Variants in NEK5 observed in about 807,000 individuals in gnomAD.
NEK5 encodes the protein serine/threonine-protein kinase Nek5.
In NEK5, 88 loss-of-function variants were observed where a neutral mutation model predicts 109.2. That is an observed-to-expected ratio of 0.81 (90% CI 0.68 to 0.96). NEK5 has a LOEUF of 0.96. Among genes scored for constraint, NEK5 ranks in the 40% least tolerant of loss-of-function variants. The pLI, the probability that NEK5 is intolerant of heterozygous loss-of-function variation, is 0.00. For synonymous variants in NEK5, 283 were observed against 299.9 expected, an observed-to-expected ratio of 0.94 and a Z score of 0.58; for missense variants, 834 against 920.7, an observed-to-expected ratio of 0.91 and a Z score of 1.22.
intron 13 of NEK5, among the ~76,000 whole-genome samples, chr13:52,090,114 G>T (rs1335603564): frequency 6.6e-6 from 1 of 152,146 alleles, no homozygotes; most frequent in African/African-American, 2.4e-5. Context: ...AAGAAATAAT[G>T]GTTTAGCTGT....
chr13:52,078,532 ATAAAG>A (rs577195079), intron 17 of NEK5, among the ~76,000 whole-genome samples: 262 of 152,320 alleles, frequency 1.7e-3, no homozygotes, highest in Non-Finnish European at 2.9e-3. Flanking sequence ...GCCAAATTTT[ATAAAG>A]TATATACATT....
At chr13:52,082,893 A>G (rs1955042831) in intron 17 of NEK5, among the ~76,000 whole-genome samples, 1 of 152,222 alleles carries the variant, frequency 6.6e-6, no homozygotes, top group South Asian at 2.1e-4. Flanking sequence ...TCATGCCTAT[A>G]ATCCCAGCAT....
rs868466448 is a variant in NEK5, at chr13:52,056,563, C to G, written c.2110+5256G>C. ...TACTTGGAAGTAAAGCTCTCCTCAG[C>G]AAATGTAAAAGAACAGAAATTATAA... On this transcript the variant is annotated intron_variant, in intron 22 of 23. Transcript: ENST00000684899. Among the ~76,000 whole-genome samples, 174 of 146,298 alleles carry G rather than the reference C, an allele frequency of 1.2e-3. 1 individual carries two copies. The Middle Eastern group carries it at 0.014, about 12-fold the overall frequency.
intron 22 of NEK5, among the ~76,000 whole-genome samples, chr13:52,054,783 C>T (rs1246991757): frequency 6.6e-6 from 1 of 151,478 alleles, no homozygotes; most frequent in Non-Finnish European, 1.5e-5. Context: ...GACATCCACA[C>T]CAAAAACCCA....
chr13:52,099,131 G>A (rs1381794777), intron 12 of NEK5, among the ~76,000 whole-genome samples: 1 of 152,054 alleles, frequency 6.6e-6, no homozygotes, highest in Non-Finnish European at 1.5e-5. Flanking sequence ...TCCATGATGT[G>A]CTTATTTCAC....
At chr13:52,064,363 G>GC (rs1221607980) in intron 21 of NEK5, among the ~76,000 whole-genome samples, 13 of 126,446 alleles carry the variant, frequency 1.0e-4, no homozygotes, top group African/African-American at 3.6e-4. Flanking sequence ...GGGGGGGTCA[G>GC]CCCCCCCGCC....
At position 52,037,184 on chromosome 13, in the gene NEK5, CA is replaced by C. The variant is rs1363090051; in HGVS notation, c.2262del (p.Asp754GlufsTer3). The C allele has an allele frequency of 2.0e-6, 2 of 984,488 alleles. No homozygotes were observed. Among genetic ancestry groups the C allele is most frequent in the African/African-American group, 3.5e-5 (2 of 57,198 alleles). The allele number at this position is 984,488 out of a possible 1,614,324, so 61.0% of individuals were successfully genotyped here. A position where few individuals can be genotyped will look rare whatever the true frequency, so the allele number is the denominator to read the frequency against. ...NFEESEDELR[D>X]EVVEYLEKLA... is the part of the protein sequence containing the mutation. ...AGTTTTTCTAAGTATTCTACTACTTCATCTCTCAACTCATCTTCAGATTCTT... is the reference window on the plus strand; with the variant it reads ...AGTTTTTCTAAGTATTCTACTACTTCTCTCTCAACTCATCTTCAGATTCTT... On this transcript the variant is annotated frameshift_variant, in exon 24 of 24. Transcript: ENST00000684899. LOFTEE classifies it high-confidence loss of function.
At chr13:52,057,217 C>T (rs1006281857) in intron 22 of NEK5, among the ~76,000 whole-genome samples, 4 of 152,056 alleles carry the variant, frequency 2.6e-5, no homozygotes, top group African/African-American at 7.2e-5. Context: ...ATAAATTCCT[C>T]GACACATACA....
chr13:52,053,983 T>C (rs774859469), intron 22 of NEK5, among the ~76,000 whole-genome samples: 3 of 152,252 alleles, frequency 2.0e-5, no homozygotes, highest in Non-Finnish European at 2.9e-5. Flanking sequence ...GAAAGAGCTA[T>C]AGTTAATTGG....
In NEK5 at chr13:52,073,976, A is replaced by G. The variant is rs191995887; in HGVS notation, c.1722+1782T>C. ...TACACAACACAGAAAGAAATCATAC[A>G]TGACATAAACAAATGGAAAAACATG... On this transcript the variant is annotated intron_variant, in intron 19 of 23. Transcript: ENST00000684899. Among the ~76,000 whole-genome samples, 48 of 152,338 alleles carry G rather than the reference A, an allele frequency of 3.2e-4. No homozygotes were observed. The East Asian group carries it at 3.5e-3, about 11-fold the overall frequency.
chr13:52,045,626 G>A (rs1459210660), intron 23 of NEK5, among the ~76,000 whole-genome samples: 12 of 149,178 alleles, frequency 8.0e-5, no homozygotes, highest in Admixed American at 2.7e-4. Flanking sequence ...TTAGCCGGGC[G>A]TGGTGGCCGG....
chr13:52,095,337 T>C (rs1955384061), intron 12 of NEK5, among the ~76,000 whole-genome samples: 1 of 152,214 alleles, frequency 6.6e-6, no homozygotes, highest in Non-Finnish European at 1.5e-5. Flanking sequence ...TGAAAAGTGG[T>C]AAAAAATATA....
Position 52,063,864 on chromosome 13 carries a change from C to G in NEK5, c.1975+1620G>C, listed in dbSNP as rs527568098. On this transcript the variant is annotated intron_variant, in intron 21 of 23. Coordinates refer to ENST00000684899, the MANE Select transcript of NEK5 (RefSeq NM_001365552.1). ...GCCACCCTGTCTGGGAAGTGAGGAG[C>G]GTCTCCGCCCGGCAGCCTCCCCATC... Among the ~76,000 whole-genome samples the G allele has an allele frequency of 2.6e-5, 4 of 152,066 alleles. No individual in the cohort carries two copies. The East Asian group carries it at 7.8e-4, about 30-fold the overall frequency.
At chr13:52,079,097 T>C (rs1413889842) in intron 17 of NEK5, among the ~76,000 whole-genome samples, 1 of 152,132 alleles carries the variant, frequency 6.6e-6, no homozygotes, top group African/African-American at 2.4e-5. Flanking sequence ...GATGAGGCAG[T>C]TATTAATTCT....
chr13:52,079,757 G>A (rs1954943439), intron 17 of NEK5, among the ~76,000 whole-genome samples: 1 of 149,914 alleles, frequency 6.7e-6, no homozygotes, highest in East Asian at 2.0e-4. Flanking sequence ...CTGCCCGGCC[G>A]CCCATCGTCT....
chr13:52,126,933 A>C (rs932828283), intron 3 of NEK5, among the ~76,000 whole-genome samples: 7 of 152,242 alleles, frequency 4.6e-5, no homozygotes, highest in African/African-American at 7.2e-5. Context: ...GAAGTGCACC[A>C]CAGAGAAAAG....
In NEK5 at chr13:52,087,357, T is replaced by C. The variant is rs867843808; in HGVS notation, c.1373A>G (p.Lys458Arg). The change falls in exon 15 of 24, where the codon AAA becomes AGA. Residue 458 changes from lysine (K) to arginine (R), a missense_variant. By Grantham distance (26) the Lys-to-Arg change is conservative (BLOSUM62 2). This residue lies in a region of NEK5 where 777 missense variants were observed against 824.7 expected (regional missense o/e 0.94). Coordinates refer to ENST00000684899, the MANE Select transcript of NEK5 (RefSeq NM_001365552.1). ...TTTAACCTGTTCCTTCATTTCGTTT[T>C]TCCTAAATGGCAGCTCCTGGAATCT... ...EPRFQELPFR[K>R]NEMKEQEYWK... 2.5e-6 allele frequency: 4 copies of C among 1,587,040 alleles called. No individual in the cohort carries two copies. Among genetic ancestry groups the C allele is most frequent in the African/African-American group, 2.7e-5 (2 of 74,394 alleles).
chr13:52,126,795 GAAAAC>G (rs1956071488), intron 3 of NEK5, among the ~76,000 whole-genome samples: 1 of 151,214 alleles, frequency 6.6e-6, no homozygotes, highest in African/African-American at 2.5e-5. Context: ...GAAAAGAAAA[GAAAAC>G]AAAAAAGAAA....
In NEK5 at chr13:52,071,366, C is replaced by T. The variant is rs73184352; in HGVS notation, c.1849+578G>A. ...AAACCTTATCTGCACACCTTATCAG[C>T]ATGTAGCTCCTCCAATATGACCCTA... On this transcript the variant is annotated intron_variant, in intron 20 of 23. Coordinates refer to ENST00000684899, the MANE Select transcript of NEK5 (RefSeq NM_001365552.1). 7.0e-3 allele frequency among the ~76,000 whole-genome samples: 1,067 copies of T among 152,320 alleles called. 4 individuals carry two copies. Among genetic ancestry groups the T allele is most frequent in the Non-Finnish European group, 0.011 (766 of 68,022 alleles).
Sources: allele counts gnomAD v4.1 joint callset (sites outside exome capture counted in the v4.1 genomes callset), GRCh38; gene constraint gnomAD v4.1.1; regional missense constraint gnomAD v4.1.1; transcripts MANE v1.5; gene names NCBI Gene and HGNC (gene_info 2026-07-23, HGNC 2026-07-21).